The following IFI35 variants were observed in gnomAD, a reference collection of about 807,000 sequenced individuals.
IFI35 encodes the protein interferon-induced 35 kDa protein.
Under a neutral mutation model 28.6 loss-of-function variants are expected in IFI35, and 30 were observed. The ratio of observed to expected loss-of-function variants is 1.05; its 90% CI spans 0.79 to 1.43. IFI35 has a LOEUF of 1.43. Ranked by LOEUF, IFI35 falls within the 40% of genes most tolerant of loss-of-function variation. The pLI, the probability that IFI35 is intolerant of heterozygous loss-of-function variation, is 0.00. For missense variants in IFI35, 372 were observed against 356.9 expected, an observed-to-expected ratio of 1.04 and a Z score of -0.34; for synonymous variants, 146 against 154.8, an observed-to-expected ratio of 0.94 and a Z score of 0.42.
chr17:43,014,072 C>T lies in IFI35; in HGVS notation c.670-36C>T, dbSNP rs1402248452. 3 of 1,602,990 alleles carry T rather than the reference C, an allele frequency of 1.9e-6. No homozygotes were observed. The African/African-American group carries it at 4.0e-5, about 21-fold the overall frequency. ...CTACCCCCAGCCCCCAGCCCTTCTC[C>T]CATGAGCCTTTGCCATCTCCTGGCT... On this transcript the variant is annotated intron_variant, in intron 6 of 6. Transcript: ENST00000415816.
chr17:43,010,750 C>T (rs983168787), intron 1 of IFI35, among the ~76,000 whole-genome samples: 1 of 152,200 alleles, frequency 6.6e-6, no homozygotes, highest in Admixed American at 6.5e-5. Flanking sequence ...TCATTCACTT[C>T]ATTTCTTCAT....
chr17:43,013,924 C>A, intron 6 of IFI35, 42 bp downstream of exon 6: 1 of 1,443,430 alleles, frequency 6.9e-7, no homozygotes, highest in Non-Finnish European at 9.5e-7. Flanking sequence ...GCTGGGTAAC[C>A]TGTCTGCCTG....
chr17:43,014,183 G>C lies in IFI35; in HGVS notation c.745G>C (p.Asp249His). 6.2e-7 allele frequency: 1 copy of C among 1,614,066 alleles called. No individual in the cohort carries two copies. Among genetic ancestry groups the C allele is most frequent in the South Asian group, 1.1e-5 (1 of 91,090 alleles). Residue 249 changes from aspartate (D) to histidine (H), a missense_variant, in exon 7 of 7, where the codon GAC becomes CAC. Physicochemically the swap from Asp to His is moderately conservative, Grantham distance 81. Coordinates refer to ENST00000415816, the MANE Select transcript of IFI35 (RefSeq NM_001330230.2). ...PDILDGPELH[D>H]VLEIHFQKPT... ...TATCTTGGATGGCCCGGAGCTGCAT[G>C]ACGTCCTGGAGATCCACTTCCAGAA... is the stretch of plus-strand genomic sequence containing the variant.
rs2151969588 is a variant in IFI35 at position 43,013,766 on chromosome 17, C to T, written c.563-10C>T. ...GATGCTAAAGGCCCACCCCTCCTTG[C>T]TCCCCACAGTGGCTCAGCGTCTGTG... On this transcript the variant is annotated splice_polypyrimidine_tract_variant and intron_variant, in intron 5 of 6. Transcript: ENST00000415816. 1.2e-6 allele frequency: 2 copies of T among 1,612,876 alleles called. No homozygotes were observed. The highest frequency in any genetic ancestry group is 1.7e-6 in the Non-Finnish European group (2 of 1,179,112).
chr17:43,010,897 C>T (rs1020536663), intron 1 of IFI35, among the ~76,000 whole-genome samples: 1 of 152,168 alleles, frequency 6.6e-6, no homozygotes, highest in Non-Finnish European at 1.5e-5. Context: ...TATCAGGATT[C>T]CTAACCACAG....
intron 1 of IFI35, 84 bp from the exon 2 acceptor site, chr17:43,012,095 C>A (rs2050463974): frequency 1.0e-6 from 1 of 979,872 alleles, no homozygotes; most frequent in African/African-American, 1.7e-5. Flanking sequence ...TTTGGAGCGT[C>A]CAGAATAGGC....
chr17:43,013,580 C>A lies in IFI35; in HGVS notation c.480C>A (p.Gly160=), dbSNP rs764333198. The A allele has an allele frequency of 1.2e-6, 2 of 1,614,104 alleles. No individual in the cohort carries two copies. The highest frequency in any genetic ancestry group is 1.1e-5 in the South Asian group (1 of 91,084). The change falls in exon 5 of 7, where the codon GGC becomes GGA. Residue 160 remains glycine (G), a synonymous_variant. Coordinates refer to ENST00000415816, the MANE Select transcript of IFI35 (RefSeq NM_001330230.2). ...ELLDKLEIFF[G]KTRNGGGDVD... ...TGGACAAGCTAGAGATCTTCTTTGGCAAGACTAGGAACGGAGGTGGCGATG... is the reference window on the plus strand; with the variant it reads ...TGGACAAGCTAGAGATCTTCTTTGGAAAGACTAGGAACGGAGGTGGCGATG...
Position 43,013,114 on chromosome 17 carries a change from C to T in IFI35, c.188C>T (p.Pro63Leu). The change falls in exon 3 of 7, where the codon CCT becomes CTT. Residue 63 changes from proline (P) to leucine (L), a missense_variant. Transcript: ENST00000415816. Reference sequence around the variant, plus strand: ...CACACCCAGCAGGACCCGGAAGTGCCTAAGTCTTTAGTTTCCAATTTGCGG... The same window carrying T: ...CACACCCAGCAGGACCCGGAAGTGCTTAAGTCTTTAGTTTCCAATTTGCGG... ...RGHTQQDPEV[P>L]KSLVSNLRIH... The T allele has an allele frequency of 6.2e-7, 1 of 1,614,028 alleles. No individual in the cohort carries two copies. The highest frequency in any genetic ancestry group is 1.1e-5 in the South Asian group (1 of 91,072).
intron 1 of IFI35, among the ~76,000 whole-genome samples, chr17:43,008,179 C>T (rs1056673947): frequency 6.7e-6 from 1 of 150,172 alleles, no homozygotes; most frequent in Non-Finnish European, 1.5e-5. Context: ...GGAGTACAGG[C>T]ACGTTCCACC....
At chr17:43,007,831 C>T (rs1213819121) in intron 1 of IFI35, among the ~76,000 whole-genome samples, 2 of 90,358 alleles carry the variant, frequency 2.2e-5, no homozygotes, top group African/African-American at 9.7e-5. Context: ...CTCTCACACA[C>T]ACACACACAC....
chr17:43,011,313 G>A (rs1367814928), intron 1 of IFI35, among the ~76,000 whole-genome samples: 1 of 152,186 alleles, frequency 6.6e-6, no homozygotes, highest in African/African-American at 2.4e-5. Context: ...GAGGTCAGGA[G>A]TTTGAGACCA....
At chr17:43,007,597 G>A (rs185670430) in intron 1 of IFI35, among the ~76,000 whole-genome samples, 5 of 151,476 alleles carry the variant, frequency 3.3e-5, no homozygotes, top group Non-Finnish European at 5.9e-5. Flanking sequence ...AGGCTGAGGC[G>A]TGTGGATCAC....
intron 1 of IFI35, among the ~76,000 whole-genome samples, chr17:43,009,826 G>A (rs1158885745): frequency 6.6e-6 from 1 of 152,122 alleles, no homozygotes; most frequent in Non-Finnish European, 1.5e-5. Flanking sequence ...CCAGCTACTT[G>A]GGAGGCTGAG....
In IFI35 at chr17:43,013,881, AG is replaced by A. The variant is rs1214332879; in HGVS notation, c.669+1del. ...GTGAACGGGGAGATCCAGAAGGCTGAGGTAAGCAGGAGGGGTGAAGAACAGG... is the reference window on the plus strand; with the variant it reads ...GTGAACGGGGAGATCCAGAAGGCTGAGTAAGCAGGAGGGGTGAAGAACAGG... ...PYVNGEIQKA[E>X]IRSQPVPRSV... On this transcript the variant is annotated frameshift_variant and splice_region_variant, in exon 6 of 7. Coordinates refer to ENST00000415816, the MANE Select transcript of IFI35 (RefSeq NM_001330230.2). LOFTEE classifies it high-confidence loss of function. 5 of 1,583,092 alleles carry A rather than the reference AG, an allele frequency of 3.2e-6. No individual in the cohort carries two copies. The highest frequency in any genetic ancestry group is 4.3e-6 in the Non-Finnish European group (5 of 1,161,624).
intron 1 of IFI35, 27 bp from the exon 2 acceptor site, chr17:43,012,152 T>C (rs1412116825): frequency 2.0e-6 from 3 of 1,495,544 alleles, no homozygotes; most frequent in Non-Finnish European, 2.7e-6. Context: ...CGGGTAGAAG[T>C]CTTGTTGTTT....
At chr17:43,007,874 C>T (rs1158058987) in intron 1 of IFI35, among the ~76,000 whole-genome samples, 9 of 93,882 alleles carry the variant, frequency 9.6e-5, no homozygotes, top group African/African-American at 2.4e-4. Context: ...TATATATATA[C>T]TATAAGAATT....
In IFI35 at chr17:43,013,620, C is replaced by T; in HGVS notation, c.520C>T (p.Leu174=). 1 of 1,614,122 alleles carries T rather than the reference C, an allele frequency of 6.2e-7. No homozygotes were observed. Among genetic ancestry groups the T allele is most frequent in the South Asian group, 1.1e-5 (1 of 91,084 alleles). The change falls in exon 5 of 7, where the codon CTA becomes TTA. Residue 174 remains leucine (L), a synonymous_variant. Transcript: ENST00000415816. ...AGGTGGCGATGTGGACGTTCGGGAG[C>T]TACTGCCAGGGAGTGTCATGCTGGG... ...NGGGDVDVRE[L]LPGSVMLGFA... is the part of the protein sequence containing the mutation.
At position 43,013,077 on chromosome 17, in the gene IFI35, G is replaced by T. The variant is rs1295751208; in HGVS notation, c.151G>T (p.Val51Leu). 6.2e-7 allele frequency: 1 copy of T among 1,613,960 alleles called. No individual in the cohort carries two copies. The highest frequency in any genetic ancestry group is 2.2e-5 in the East Asian group (1 of 44,872). The change falls in exon 3 of 7, where the codon GTA becomes TTA. Residue 51 changes from valine (V) to leucine (L), a missense_variant. Coordinates refer to ENST00000415816, the MANE Select transcript of IFI35 (RefSeq NM_001330230.2). ...ATTTTCAGTGCCCAAGATCCCCCTG[G>T]TATTCCGAGGACACACCCAGCAGGA... ...VPFSVPKIPL[V>L]FRGHTQQDPE...
At chr17:43,012,121 C>A in intron 1 of IFI35, 58 bp from the exon 2 acceptor site, 9 of 1,292,432 alleles carry the variant, frequency 7.0e-6, no homozygotes, top group Non-Finnish European at 9.7e-6. Context: ...TTCCCCTGGG[C>A]TTGTTGATTC....
Sources: gnomAD v4.1 joint callset for allele counts (sites outside exome capture counted in the v4.1 genomes callset) on GRCh38, gnomAD v4.1.1 for gene constraint, MANE v1.5 for transcripts, NCBI Gene and HGNC (gene_info 2026-07-23, HGNC 2026-07-21) for gene names.